Variants in SEL1L observed in about 807,000 individuals in gnomAD.
The protein encoded by SEL1L is protein sel-1 homolog 1.
Under a neutral mutation model 109.8 loss-of-function variants are expected in SEL1L, and 52 were observed. The ratio of observed to expected loss-of-function variants is 0.47; its 90% CI spans 0.38 to 0.60. SEL1L has a LOEUF of 0.60. Ranked by LOEUF, SEL1L falls within the 20% of genes least tolerant of loss-of-function variation. SEL1L has a pLI of 0.00. For missense variants in SEL1L, 749 were observed against 962.2 expected (o/e 0.78, Z 2.93); for synonymous variants, 373 against 339.6 (o/e 1.10, Z -1.08).
In SEL1L at chr14:81,472,215, T is replaced by C. The variant is rs1903031195; in HGVS notation, c.*4757A>G. 2 of 157,846 alleles carry C rather than the reference T, an allele frequency of 1.3e-5. No homozygotes were observed. The highest frequency in any genetic ancestry group is 2.8e-5 in the Non-Finnish European group (2 of 71,702). 9.8% of individuals were successfully genotyped at this position (157,846 alleles called of 1,614,324 possible). A position where few individuals can be genotyped will look rare whatever the true frequency, so the allele number is the denominator to read the frequency against. On this transcript the variant is annotated 3_prime_UTR_variant, in exon 21 of 21. Coordinates refer to ENST00000336735, the MANE Select transcript of SEL1L (RefSeq NM_005065.6). Reference sequence around the variant, plus strand: ...CAGGTTGGATGGTCACCTGCTGGTGTTAAGGCTCTGACATCCGACTTCCCC... The same window carrying C: ...CAGGTTGGATGGTCACCTGCTGGTGCTAAGGCTCTGACATCCGACTTCCCC...
At chr14:81,491,556 G>A (rs1883537271) in intron 12 of SEL1L, among the ~76,000 whole-genome samples, 1 of 152,292 alleles carries the variant, frequency 6.6e-6, no homozygotes, top group South Asian at 2.1e-4. Flanking sequence ...CCAATTACTA[G>A]TATGATCATG....
At chr14:81,513,690 G>A (rs1301354056) in intron 3 of SEL1L, among the ~76,000 whole-genome samples, 1 of 152,182 alleles carries the variant, frequency 6.6e-6, no homozygotes, top group Non-Finnish European at 1.5e-5. Flanking sequence ...CCAGTTAAAA[G>A]CGACTAGCGC....
chr14:81,504,246 C>T lies in SEL1L; in HGVS notation c.569G>A (p.Gly190Glu). 6.2e-7 allele frequency: 1 copy of T among 1,600,308 alleles called. No individual in the cohort carries two copies. The highest frequency in any genetic ancestry group is 8.5e-7 in the Non-Finnish European group (1 of 1,173,690). Residue 190 changes from glycine (G) to glutamate (E), a missense_variant, in exon 5 of 21, where the codon GGA (glycine) becomes GAA (glutamate). Around this residue, in one of 2 missense-constraint regions of SEL1L, gnomAD observed 366 missense variants for 399.8 expected, o/e 0.92. Coordinates refer to ENST00000336735, the MANE Select transcript of SEL1L (RefSeq NM_005065.6). ...ATTGCTTCCATTAAGGATTTTCATT[C>T]CAGTTTGATACATCATTTCTGCTTC... ...MQEAEMMYQT[G>E]MKILNGSNKK...
intron 18 of SEL1L, among the ~76,000 whole-genome samples, chr14:81,484,822 A>C (rs953422951): frequency 6.6e-6 from 1 of 152,180 alleles, no homozygotes; most frequent in Non-Finnish European, 1.5e-5. Context: ...AAAAACAAAA[A>C]CATCTGAAAT....
intron 1 of SEL1L, among the ~76,000 whole-genome samples, chr14:81,528,477 T>G (rs1244775937): frequency 6.6e-6 from 1 of 152,194 alleles, no homozygotes; most frequent in Non-Finnish European, 1.5e-5. Context: ...TTCCTTCTGT[T>G]ACTTTTTCCA....
intron 5 of SEL1L, 46 bp from the exon 6 acceptor site, chr14:81,502,929 C>T: frequency 6.6e-7 from 1 of 1,509,140 alleles, no homozygotes; most frequent in Non-Finnish European, 9.0e-7. Context: ...TGTTTTGAAA[C>T]TGCCATTAAG....
chr14:81,504,189 A>G lies in SEL1L; in HGVS notation c.614+12T>C. The G allele has an allele frequency of 6.6e-7, 1 of 1,520,234 alleles. No homozygotes were observed. Among genetic ancestry groups the G allele is most frequent in the Non-Finnish European group, 9.0e-7 (1 of 1,115,536 alleles). 94.2% of individuals were successfully genotyped at this position (1,520,234 alleles called of 1,614,324 possible). The stretch of plus-strand genomic sequence containing the variant: ...GTCATGGGGGAAAAGTGGACTTAGC[A>G]GTGCTACCTACTCTCTTTTTTGGCT... On this transcript the variant is annotated intron_variant, in intron 5 of 20. Transcript: ENST00000336735.
rs780857591 is a variant in SEL1L, at chr14:81,526,834, T to A, written c.239A>T (p.Lys80Met). ...TGTGACACTTTCCCCCTCTTGGCTCTTGAGGCTGTCTTCCTCTTCTTGAAT... is the reference window on the plus strand; with the variant it reads ...TGTGACACTTTCCCCCTCTTGGCTCATGAGGCTGTCTTCCTCTTCTTGAAT... The part of the protein sequence containing the change: ...SSIQEEEDSL[K>M]SQEGESVTED... The change falls in exon 3 of 21, where the codon AAG becomes ATG. Residue 80 changes from lysine (K) to methionine (M), a missense_variant. This residue lies in a region of SEL1L where 366 missense variants were observed against 399.8 expected (regional missense o/e 0.92). Coordinates refer to ENST00000336735, the MANE Select transcript of SEL1L (RefSeq NM_005065.6). The A allele has an allele frequency of 1.9e-6, 3 of 1,604,592 alleles. No homozygotes were observed. The highest frequency in any genetic ancestry group is 2.5e-6 in the Non-Finnish European group (3 of 1,176,952).
At chr14:81,502,090 A>C (rs907892317) in intron 6 of SEL1L, among the ~76,000 whole-genome samples, 12 of 152,060 alleles carry the variant, frequency 7.9e-5, no homozygotes, top group African/African-American at 2.9e-4. Context: ...GTTCAACATC[A>C]TATGAACATA....
Position 81,472,690 on chromosome 14 carries a change from G to T in SEL1L, c.*4282C>A. 1 of 315,754 alleles carries T rather than the reference G, an allele frequency of 3.2e-6. No homozygotes were observed. The highest frequency in any genetic ancestry group is 2.7e-5 in the South Asian group (1 of 37,334). The allele number at this position is 315,754 out of a possible 1,614,324, so 19.6% of individuals were successfully genotyped here. ...GCTGCTTCAAGACAAAGATATCAGA[G>T]ATTTAAAAGATAACATTTCTTAGCA... is the stretch of plus-strand genomic sequence containing the variant. On this transcript the variant is annotated 3_prime_UTR_variant, in exon 21 of 21. Coordinates refer to ENST00000336735, the MANE Select transcript of SEL1L (RefSeq NM_005065.6).
At chr14:81,487,751 A>T in intron 15 of SEL1L, 104 bp downstream of exon 15, 1 of 1,544,110 alleles carries the variant, frequency 6.5e-7, no homozygotes. Flanking sequence ...ACATTTAACC[A>T]GCCAGAATTT....
chr14:81,498,242 A>T (rs1176733608), intron 9 of SEL1L, 171 bp downstream of exon 9: 1 of 824,912 alleles, frequency 1.2e-6, no homozygotes, highest in South Asian at 2.0e-5. Flanking sequence ...ATAGAACCTA[A>T]AGCAAAATTA....
intron 3 of SEL1L, among the ~76,000 whole-genome samples, chr14:81,510,508 C>A (rs1021696596): frequency 0.043 from 5,002 of 115,708 alleles, 115 homozygotes; most frequent in African/African-American, 0.051. Context: ...CTCTCTCTCT[C>A]TCTCTCTATA....
intron 3 of SEL1L, among the ~76,000 whole-genome samples, chr14:81,515,410 C>A (rs1884661979): frequency 1.3e-5 from 2 of 152,202 alleles, no homozygotes; most frequent in South Asian, 4.1e-4. Context: ...GCTTTAGCTG[C>A]AGCCTGAGAG....
intron 3 of SEL1L, among the ~76,000 whole-genome samples, chr14:81,516,312 C>G (rs1884699919): frequency 6.6e-6 from 1 of 152,178 alleles, no homozygotes; most frequent in Admixed American, 6.5e-5. Context: ...GACAACTGTC[C>G]TCAAGGACCG....
intron 5 of SEL1L, 31 bp downstream of exon 5, chr14:81,504,170 G>T (rs764766698): frequency 1.5e-6 from 2 of 1,372,166 alleles, no homozygotes; most frequent in African/African-American, 2.9e-5. Flanking sequence ...GCCTGTCATG[G>T]GGGAAAAGTG....
intron 11 of SEL1L, among the ~76,000 whole-genome samples, chr14:81,494,086 C>G (rs1273478918): frequency 6.6e-6 from 1 of 152,158 alleles, no homozygotes; most frequent in African/African-American, 2.4e-5. Context: ...AGCTTCAATC[C>G]AGTCTATTCG....
chr14:81,488,942 G>A (rs1160823787), intron 14 of SEL1L: 5 of 337,728 alleles, frequency 1.5e-5, no homozygotes, highest in Non-Finnish European at 5.4e-6. Context: ...GAGTAAAAAA[G>A]CAGGCAAGGA....
intron 19 of SEL1L, 136 bp downstream of exon 19, chr14:81,484,089 A>G (rs1443362734): frequency 5.8e-6 from 5 of 859,144 alleles, no homozygotes; most frequent in African/African-American, 1.7e-5. Context: ...GTCTTCTGAA[A>G]TATTACAAAT....
Sources: allele counts gnomAD v4.1 joint callset (sites outside exome capture counted in the v4.1 genomes callset), GRCh38; gene constraint gnomAD v4.1.1; regional missense constraint gnomAD v4.1.1; transcripts MANE v1.5; gene names NCBI Gene and HGNC (gene_info 2026-07-23, HGNC 2026-07-21).